SAMHD1: variants seen among roughly 807,000 people sequenced by gnomAD.
The protein encoded by SAMHD1 is deoxynucleoside triphosphate triphosphohydrolase SAMHD1.
In SAMHD1, 54 loss-of-function variants were observed where a neutral mutation model predicts 79.6. That is an observed-to-expected ratio of 0.68 (90% CI 0.55 to 0.85). SAMHD1 has a LOEUF of 0.85. SAMHD1 is among the 40% of genes least tolerant of loss of function. The pLI is 0.00. For missense variants in SAMHD1, 663 were observed against 782.7 expected (o/e 0.85, Z 1.82); for synonymous variants, 260 against 264.1 (o/e 0.98, Z 0.15).
At chr20:36,894,245 A>T (rs1335424405) in intron 15 of SAMHD1, 2 of 195,886 alleles carry the variant, frequency 1.0e-5, no homozygotes, top group Non-Finnish European at 1.0e-5. Flanking sequence ...ATGTGTTATT[A>T]TTTTTTTTTG....
intron 11 of SAMHD1, among the ~76,000 whole-genome samples, chr20:36,906,993 T>C (rs1444474169): frequency 6.6e-6 from 1 of 151,800 alleles, no homozygotes; most frequent in Non-Finnish European, 1.5e-5. Context: ...GGTTTCCCCA[T>C]GTTGGCCAGG....
intron 6 of SAMHD1, among the ~76,000 whole-genome samples, chr20:36,921,199 A>C (rs1252798549): frequency 6.6e-6 from 1 of 151,920 alleles, no homozygotes; most frequent in Non-Finnish European, 1.5e-5. Context: ...TCAAGATCAT[A>C]CTGGCCAACA....
chr20:36,909,645 T>A (rs1264349132), intron 11 of SAMHD1, among the ~76,000 whole-genome samples: 3 of 135,354 alleles, frequency 2.2e-5, no homozygotes, highest in Non-Finnish European at 1.5e-5. Context: ...CATTACAGCC[T>A]GGGCTACAAG....
At chr20:36,893,530 T>C in intron 15 of SAMHD1, 1 of 274,148 alleles carries the variant, frequency 3.6e-6, no homozygotes, top group Non-Finnish European at 6.8e-6. Context: ...GCATCAAAGC[T>C]CTAACGTTGG....
chr20:36,941,248 C>T, intron 2 of SAMHD1, 137 bp from the exon 3 acceptor site: 1 of 703,092 alleles, frequency 1.4e-6, no homozygotes, highest in East Asian at 2.7e-5. Flanking sequence ...ATAATTCAAA[C>T]ATACCCCTCC....
chr20:36,924,530 A>G (rs1381322329), intron 6 of SAMHD1, among the ~76,000 whole-genome samples: 1 of 152,148 alleles, frequency 6.6e-6, no homozygotes, highest in Non-Finnish European at 1.5e-5. Context: ...CAGAAATAAC[A>G]TTAGTTAGTG....
intron 1 of SAMHD1, among the ~76,000 whole-genome samples, chr20:36,947,312 T>G (rs35333204): frequency 1.7e-3 from 119 of 70,788 alleles, no homozygotes; most frequent in Middle Eastern, 8.2e-3. Context: ...TTGGAAGAGG[T>G]GTGTGTGTGT....
At chr20:36,945,711 GAC>G (rs1229403267) in intron 2 of SAMHD1, among the ~76,000 whole-genome samples, 2 of 152,016 alleles carry the variant, frequency 1.3e-5, no homozygotes, top group East Asian at 3.9e-4. Context: ...AGGAGTTCGA[GAC>G]CAGCCTGGCC....
intron 7 of SAMHD1, among the ~76,000 whole-genome samples, chr20:36,919,000 G>C (rs1456867062): frequency 6.6e-6 from 1 of 151,766 alleles, no homozygotes; most frequent in Non-Finnish European, 1.5e-5. Context: ...GCTGGGCATG[G>C]TAGTGCACGT....
chr20:36,922,989 T>C (rs958443703), intron 6 of SAMHD1, among the ~76,000 whole-genome samples: 9 of 151,982 alleles, frequency 5.9e-5, no homozygotes, highest in Admixed American at 2.0e-4. Flanking sequence ...AATATCTATA[T>C]ATAAAGAGAG....
intron 3 of SAMHD1, among the ~76,000 whole-genome samples, chr20:36,938,397 G>C (rs190132886): frequency 1.0e-3 from 157 of 152,030 alleles, no homozygotes; most frequent in Admixed American, 4.1e-3. Flanking sequence ...AAAATTAGCC[G>C]GGTGTGGTGG....
chr20:36,912,057 A>C, intron 10 of SAMHD1: 1 of 240,330 alleles, frequency 4.2e-6, no homozygotes, highest in Admixed American at 5.1e-5. Flanking sequence ...ACAAATAGAC[A>C]TTAATCTTAA....
chr20:36,927,395 ACAATCTCCGCCCCCTGGGTT>A, intron 5 of SAMHD1, 143 bp from the exon 6 acceptor site: 1 of 691,722 alleles, frequency 1.4e-6, no homozygotes, highest in South Asian at 1.6e-5. Flanking sequence ...TTGGCTCAAC[ACAATCTCCGCCCCCTGGGTT>A]CAAGCGATTC....
intron 13 of SAMHD1, 159 bp downstream of exon 13, chr20:36,903,998 A>G: frequency 3.3e-6 from 2 of 614,048 alleles, no homozygotes; most frequent in Non-Finnish European, 5.8e-6. Context: ...TCATGAACAA[A>G]ATGTTTTTGT....
At chr20:36,924,437 AAAG>A (rs1324135492) in intron 6 of SAMHD1, among the ~76,000 whole-genome samples, 1 of 152,194 alleles carries the variant, frequency 6.6e-6, no homozygotes, top group Non-Finnish European at 1.5e-5. Context: ...AAAAAAAAGA[AAAG>A]AGCATAAATC....
chr20:36,935,012 C>G lies in SAMHD1; in HGVS notation c.509+17G>C. The stretch of plus-strand genomic sequence containing the variant: ...ATACTTAAAAACTGCAAGTTCCCCA[C>G]CCCATTCCCTTCTTACCCTAGACTA... On this transcript the variant is annotated intron_variant, in intron 4 of 15. Coordinates refer to ENST00000646673, the MANE Select transcript of SAMHD1 (RefSeq NM_015474.4). 6.2e-7 allele frequency: 1 copy of G among 1,613,200 alleles called. No individual in the cohort carries two copies. Among genetic ancestry groups the G allele is most frequent in the South Asian group, 1.1e-5 (1 of 91,056 alleles).
Position 36,895,312 on chromosome 20 carries a change from C to T in SAMHD1, c.1747-2246G>A, listed in dbSNP as rs1601110744. On this transcript the variant is annotated intron_variant, in intron 15 of 15. Transcript: ENST00000646673. ...CACCTCCTGCTGCCAGCCCTTAACCCAGACAACTCCTCACTCAACCTTCAG... is the reference window on the plus strand; with the variant it reads ...CACCTCCTGCTGCCAGCCCTTAACCTAGACAACTCCTCACTCAACCTTCAG... Among the ~76,000 whole-genome samples the T allele has an allele frequency of 2.0e-5, 3 of 151,928 alleles. No individual in the cohort carries two copies. The South Asian group carries it at 6.2e-4, about 32-fold the overall frequency.
At chr20:36,893,874 T>C in intron 15 of SAMHD1, 1 of 398,618 alleles carries the variant, frequency 2.5e-6, no homozygotes, top group Non-Finnish European at 4.4e-6. Flanking sequence ...ATTTCTCAGC[T>C]CCCATGCCTG....
chr20:36,938,878 A>G (rs887269987), intron 3 of SAMHD1, among the ~76,000 whole-genome samples: 3 of 151,596 alleles, frequency 2.0e-5, no homozygotes, highest in African/African-American at 7.3e-5. Context: ...ACAACAAAAC[A>G]TTATTATATA....
Sources: allele counts gnomAD v4.1 joint callset (sites outside exome capture counted in the v4.1 genomes callset), GRCh38; gene constraint gnomAD v4.1.1; transcripts MANE v1.5; gene names NCBI Gene and HGNC (gene_info 2026-07-23, HGNC 2026-07-21).